The following NCKAP5 variants were observed in gnomAD, a reference collection of about 807,000 sequenced individuals.
NCKAP5 encodes the protein nck-associated protein 5.
In NCKAP5, 92 loss-of-function variants were observed where a neutral mutation model predicts 167.0. The ratio of observed to expected loss-of-function variants is 0.55; its 90% CI spans 0.47 to 0.66. NCKAP5 has a LOEUF of 0.66. NCKAP5 is among the 30% of genes least tolerant of loss of function. NCKAP5 has a pLI of 0.00. For synonymous variants in NCKAP5, 891 were observed against 877.4 expected, an observed-to-expected ratio of 1.02 and a Z score of -0.27; for missense variants, 2,378 against 2,315.0, an observed-to-expected ratio of 1.03 and a Z score of -0.56.
At chr2:132,929,786 T>G (rs1350193361) in intron 8 of NCKAP5, 1 of 152,190 alleles carries the variant, frequency 6.6e-6, no homozygotes, top group Non-Finnish European at 1.5e-5. Flanking sequence ...CATGTCCTTT[T>G]CCTATTATTG....
the NCKAP5 span, among the ~76,000 whole-genome samples, chr2:133,583,794 C>T: frequency 2.0e-5 from 3 of 152,122 alleles, no homozygotes; most frequent in Non-Finnish European, 4.4e-5. Flanking sequence ...CGCTCTGTCG[C>T]CCAGGCTGGA....
chr2:133,512,894 T>C (rs1041097677), intron 3 of NCKAP5, among the ~76,000 whole-genome samples: 2 of 152,122 alleles, frequency 1.3e-5, no homozygotes, highest in Non-Finnish European at 2.9e-5. Flanking sequence ...CGCTTCCCCA[T>C]GGCCCCTCCT....
intron 16 of NCKAP5, among the ~76,000 whole-genome samples, chr2:132,767,493 G>A (rs11885601): frequency 6.6e-6 from 1 of 152,028 alleles, no homozygotes; most frequent in Admixed American, 6.5e-5. Context: ...TTATCCACCC[G>A]CCTTGGCCTC....
chr2:132,857,689 G>T (rs1348043603), intron 11 of NCKAP5, among the ~76,000 whole-genome samples: 1 of 152,264 alleles, frequency 6.6e-6, no homozygotes, highest in East Asian at 1.9e-4. Flanking sequence ...ATGGAGGGGG[G>T]TCTTGTTAAT....
intron 5 of NCKAP5, among the ~76,000 whole-genome samples, chr2:133,193,471 C>A (rs1162792126): frequency 6.6e-6 from 1 of 152,034 alleles, no homozygotes. Flanking sequence ...AGTTATCTAG[C>A]AATGAAAACA....
chr2:133,535,815 T>A (rs1182323643), intron 2 of NCKAP5, among the ~76,000 whole-genome samples: 1 of 152,230 alleles, frequency 6.6e-6, no homozygotes, highest in Admixed American at 6.5e-5. Context: ...GATTTTAAAC[T>A]TTTTAGTAAT....
At chr2:132,802,248 G>A (rs997629772) in intron 11 of NCKAP5, among the ~76,000 whole-genome samples, 3 of 152,118 alleles carry the variant, frequency 2.0e-5, no homozygotes, top group Non-Finnish European at 2.9e-5. Context: ...TGTCACCTTG[G>A]CTAGCTGCTT....
At chr2:133,592,916 C>T in the NCKAP5 span, among the ~76,000 whole-genome samples, 1 of 152,154 alleles carries the variant, frequency 6.6e-6, no homozygotes, top group Non-Finnish European at 1.5e-5. Context: ...CTGGGTTAAT[C>T]CTTGTTCTCA....
intron 2 of NCKAP5, among the ~76,000 whole-genome samples, chr2:133,558,606 TAC>T (rs1480264450): frequency 7.1e-6 from 1 of 141,470 alleles, no homozygotes; most frequent in East Asian, 2.1e-4. Context: ...TTAGCAGTTC[TAC>T]ACACACAGAA....
At chr2:133,659,127 A>G in the NCKAP5 span, among the ~76,000 whole-genome samples, 1 of 152,136 alleles carries the variant, frequency 6.6e-6, no homozygotes, top group African/African-American at 2.4e-5. Flanking sequence ...GGAATTGTTC[A>G]GTACCTAAGG....
chr2:132,906,432 C>T (rs906227570), intron 8 of NCKAP5, among the ~76,000 whole-genome samples: 4 of 152,098 alleles, frequency 2.6e-5, no homozygotes, highest in South Asian at 2.1e-4. Flanking sequence ...GAGTTGTCAT[C>T]GCCATGCAGA....
chr2:133,630,677 G>C, the NCKAP5 span, among the ~76,000 whole-genome samples: 13 of 152,098 alleles, frequency 8.5e-5, no homozygotes, highest in African/African-American at 3.1e-4. Context: ...ATATGCCTGG[G>C]CTAGATTCCT....
chr2:133,540,300 A>G (rs1266102734), intron 2 of NCKAP5, among the ~76,000 whole-genome samples: 1 of 152,236 alleles, frequency 6.6e-6, no homozygotes, highest in Non-Finnish European at 1.5e-5. Context: ...TAAATGACAT[A>G]AAATGAAATC....
chr2:132,861,551 C>A (rs375522773), intron 10 of NCKAP5, among the ~76,000 whole-genome samples: 41 of 152,068 alleles, frequency 2.7e-4, no homozygotes, highest in Non-Finnish European at 4.1e-4. Flanking sequence ...AAAGGTCTGG[C>A]GTGTTGTTCT....
At position 132,877,911 on chromosome 2, in the gene NCKAP5, C is replaced by T. The variant is rs549899796; in HGVS notation, c.648+937G>A. ...TGGAACCAGACGAAATGCAGTTCTTCTTTTCTTTCTAAAATCTGCATCAGG... is the reference window on the plus strand; with the variant it reads ...TGGAACCAGACGAAATGCAGTTCTTTTTTTCTTTCTAAAATCTGCATCAGG... On this transcript the variant is annotated intron_variant, in intron 9 of 19. Coordinates refer to ENST00000409261, the MANE Select transcript of NCKAP5 (RefSeq NM_207363.3). Among the ~76,000 whole-genome samples the T allele has an allele frequency of 1.0e-3, 156 of 152,192 alleles. 1 individual carries two copies. The highest frequency in any genetic ancestry group is 1.2e-3 in the Non-Finnish European group (82 of 68,030).
At chr2:132,683,648 C>T (rs1368800175) in intron 19 of NCKAP5, among the ~76,000 whole-genome samples, 2 of 152,170 alleles carry the variant, frequency 1.3e-5, no homozygotes, top group East Asian at 1.9e-4. Flanking sequence ...AGTAATTGCA[C>T]CAACCTAATA....
At chr2:133,165,322 A>G (rs535319455) in intron 5 of NCKAP5, among the ~76,000 whole-genome samples, 5 of 152,310 alleles carry the variant, frequency 3.3e-5, no homozygotes, top group African/African-American at 1.2e-4. Context: ...CAGGTTCAAG[A>G]TGCTCACAGC....
intron 16 of NCKAP5, among the ~76,000 whole-genome samples, chr2:132,740,070 T>G (rs1307138775): frequency 6.6e-6 from 1 of 152,118 alleles, no homozygotes; most frequent in Non-Finnish European, 1.5e-5. Flanking sequence ...TCCAAACAAA[T>G]TATGCTAGTA....
intron 6 of NCKAP5, among the ~76,000 whole-genome samples, chr2:133,049,187 GA>G (rs1322004369): frequency 6.6e-6 from 1 of 152,164 alleles, no homozygotes. Context: ...CAAAAACACT[GA>G]ATTGAGGTTT....
Sources: allele counts gnomAD v4.1 joint callset (sites outside exome capture counted in the v4.1 genomes callset), GRCh38; gene constraint gnomAD v4.1.1; transcripts MANE v1.5; gene names NCBI Gene and HGNC (gene_info 2026-07-23, HGNC 2026-07-21).